The following PRKN variants were observed in gnomAD, a reference collection of about 807,000 sequenced individuals.
PRKN encodes the protein E3 ubiquitin-protein ligase parkin.
PRKN carries 56 observed loss-of-function variants against 59.5 expected under a neutral mutation model. The observed-to-expected ratio is 0.94, with a 90% CI of 0.76 to 1.18. The LOEUF is 1.18. Among genes scored for constraint, PRKN ranks in the 50% most tolerant of loss-of-function variants. The probability of loss-of-function intolerance (pLI) is 0.00; values close to 1 mark genes in which losing one functional copy is unlikely to be tolerated. For synonymous variants in PRKN, 250 were observed against 222.1 expected, an observed-to-expected ratio of 1.13 and a Z score of -1.12; for missense variants, 657 against 596.4, an observed-to-expected ratio of 1.10 and a Z score of -1.06.
chr6:162,108,746 G>A (rs535007069), intron 4 of PRKN, among the ~76,000 whole-genome samples: 23 of 152,258 alleles, frequency 1.5e-4, no homozygotes, highest in Admixed American at 2.0e-4. Flanking sequence ...TGCATTCACC[G>A]TTGAGAAGTC....
At chr6:161,760,409 C>T (rs1789145321) in intron 7 of PRKN, among the ~76,000 whole-genome samples, 1 of 151,220 alleles carries the variant, frequency 6.6e-6, no homozygotes, top group South Asian at 2.1e-4. Flanking sequence ...TGGAAAAGAC[C>T]CTTTTTTTCA....
At chr6:162,581,713 C>T (rs1341562672) in intron 1 of PRKN, among the ~76,000 whole-genome samples, 1 of 152,184 alleles carries the variant, frequency 6.6e-6, no homozygotes, top group African/African-American at 2.4e-5. Context: ...GAGCCAAGAT[C>T]ACGCCACTGC....
chr6:161,778,960 T>A (rs576288464), intron 7 of PRKN, among the ~76,000 whole-genome samples: 5 of 152,346 alleles, frequency 3.3e-5, no homozygotes, highest in African/African-American at 7.2e-5. Flanking sequence ...TTATTTATTT[T>A]TTGAGACTGA....
chr6:161,536,758 A>G (rs1214465602), intron 9 of PRKN, among the ~76,000 whole-genome samples: 2 of 152,212 alleles, frequency 1.3e-5, no homozygotes, highest in Non-Finnish European at 2.9e-5. Flanking sequence ...ATACCCAGTA[A>G]GTGTTTTATC....
At chr6:162,351,818 G>A (rs1267676178) in intron 2 of PRKN, among the ~76,000 whole-genome samples, 1 of 151,922 alleles carries the variant, frequency 6.6e-6, no homozygotes, top group African/African-American at 2.4e-5. Context: ...ATACCCTGAG[G>A]TTTTTGTGTG....
chr6:161,724,005 TGTGA>T (rs1240323688), intron 7 of PRKN, among the ~76,000 whole-genome samples: 7 of 152,148 alleles, frequency 4.6e-5, no homozygotes, highest in Non-Finnish European at 8.8e-5. Context: ...CTCCTTCCAT[TGTGA>T]GTGTGTTTTA....
intron 6 of PRKN, among the ~76,000 whole-genome samples, chr6:161,934,215 A>G (rs993447373): frequency 1.3e-5 from 2 of 152,272 alleles, no homozygotes; most frequent in East Asian, 3.9e-4. Flanking sequence ...CGCTTTGTGA[A>G]GAAGATGCCT....
intron 1 of PRKN, among the ~76,000 whole-genome samples, chr6:162,516,036 C>T (rs553916368): frequency 1.0e-3 from 155 of 152,332 alleles, no homozygotes; most frequent in South Asian, 4.1e-3. Context: ...CAGTAAGCTG[C>T]TTCTTTGCGC....
At chr6:161,986,280 G>A (rs1471091113) in intron 5 of PRKN, among the ~76,000 whole-genome samples, 1 of 152,208 alleles carries the variant, frequency 6.6e-6, no homozygotes, top group Non-Finnish European at 1.5e-5. Flanking sequence ...AGCAGTCACA[G>A]AGCTGTAACA....
chr6:161,971,144 T>C (rs934144546), intron 6 of PRKN, among the ~76,000 whole-genome samples: 1 of 151,444 alleles, frequency 6.6e-6, no homozygotes, highest in African/African-American at 2.4e-5. Flanking sequence ...AAGGCAATCA[T>C]ATGAACAAAA....
chr6:162,689,542 G>C (rs548899753), intron 1 of PRKN, among the ~76,000 whole-genome samples: 2 of 152,138 alleles, frequency 1.3e-5, no homozygotes, highest in Non-Finnish European at 2.9e-5. Flanking sequence ...TGTCTTTATT[G>C]AATTAGTTTC....
chr6:161,814,252 G>A (rs148420361), intron 6 of PRKN, among the ~76,000 whole-genome samples: 1 of 152,236 alleles, frequency 6.6e-6, no homozygotes, highest in Admixed American at 6.5e-5. Flanking sequence ...TCTTCATAGT[G>A]ACAAAGAATA....
intron 2 of PRKN, among the ~76,000 whole-genome samples, chr6:162,316,600 A>G (rs1280454478): frequency 6.6e-6 from 1 of 152,114 alleles, no homozygotes; most frequent in Non-Finnish European, 1.5e-5. Context: ...GATTCAATAC[A>G]TATTCACAGT....
At chr6:162,151,554 A>T (rs1436704114) in intron 4 of PRKN, among the ~76,000 whole-genome samples, 2 of 152,212 alleles carry the variant, frequency 1.3e-5, no homozygotes, top group African/African-American at 2.4e-5. Flanking sequence ...CTGAGCAGCC[A>T]CAAGAAAACT....
rs374685584 is a variant in PRKN at position 162,637,092 on chromosome 6, TAAA to T, written c.7+90567_7+90569del. 6.6e-4 allele frequency among the ~76,000 whole-genome samples: 100 copies of T among 151,408 alleles called. 1 individual carries two copies. In the East Asian group the frequency reaches 9.6e-3, roughly 14 times the overall value. ...CAACATAGTGAAACCCCATCTCTAC[TAAA>T]AAATAAAAAAAAATAGCCGGGCGTG... On this transcript the variant is annotated intron_variant, in intron 1 of 11. Transcript: ENST00000366898.
chr6:162,066,328 G>C (rs1245343269), intron 4 of PRKN, among the ~76,000 whole-genome samples: 1 of 152,062 alleles, frequency 6.6e-6, no homozygotes, highest in Non-Finnish European at 1.5e-5. Context: ...TCCTTAAAAG[G>C]CCATCCTTTA....
rs1193942406 is a variant in PRKN at position 162,498,824 on chromosome 6, GA to G, written c.8-55352del. Among the ~76,000 whole-genome samples, 4 of 90,610 alleles carry G rather than the reference GA, an allele frequency of 4.4e-5. No individual in the cohort carries two copies. The East Asian group carries it at 1.3e-3, about 28-fold the overall frequency. The allele number at this position is 90,610 out of a possible 152,430, so 59.4% of individuals were successfully genotyped here. A position where few individuals can be genotyped will look rare whatever the true frequency, so the allele number is the denominator to read the frequency against. The stretch of plus-strand genomic sequence containing the variant: ...TTCTGTAAGGTAAAATGAGGTTTAT[GA>G]GAATTGGACAGTAGCCGTTAACTGC... On this transcript the variant is annotated intron_variant, in intron 1 of 11. Transcript: ENST00000366898.
In PRKN at chr6:161,552,378, AGCTCTGTTCACCTCCACC is replaced by A. The variant is rs1476070495; in HGVS notation, c.934-3393_934-3376del. On this transcript the variant is annotated intron_variant, in intron 8 of 11. Coordinates refer to ENST00000366898, the MANE Select transcript of PRKN (RefSeq NM_004562.3). This position sits in a 1 kb window ranked among gnomAD's most constrained non-coding sequence, Gnocchi z 4.9. ...GTGATCCTCCAAGCCCCTCTCCCTC[AGCTCTGTTCACCTCCACC>A]TATGACTGTGAATGATCTCACGGTG... is the stretch of plus-strand genomic sequence containing the variant. 7.0e-3 allele frequency among the ~76,000 whole-genome samples: 802 copies of A among 114,634 alleles called. 77 individuals carry two copies. The highest frequency in any genetic ancestry group is 0.023 in the African/African-American group (716 of 30,888). 75.2% of individuals were successfully genotyped at this position (114,634 alleles called of 152,430 possible).
rs1197887751 is a variant in PRKN, at chr6:161,558,268, T to TA, written c.934-9266dup. Among the ~76,000 whole-genome samples, 5 of 151,910 alleles carry TA rather than the reference T, an allele frequency of 3.3e-5. No individual in the cohort carries two copies. In the South Asian group the frequency reaches 6.2e-4, roughly 19 times the overall value. ...GCCTCTTTCTCTTATTCCCTTCTAT[T>TA]AAAAAAAATTCAGTCAGGTATAGTG... On this transcript the variant is annotated intron_variant, in intron 8 of 11. Transcript: ENST00000366898.
Sources: allele counts gnomAD v4.1 joint callset (sites outside exome capture counted in the v4.1 genomes callset), GRCh38; gene constraint gnomAD v4.1.1; non-coding constraint Gnocchi (gnomAD v3.1); transcripts MANE v1.5; gene names NCBI Gene and HGNC (gene_info 2026-07-23, HGNC 2026-07-21).